The following UTRN variants were observed in gnomAD, a reference collection of about 807,000 sequenced individuals.
The protein encoded by UTRN is dystrophin-related protein 1.
UTRN carries 283 observed loss-of-function variants against 463.9 expected under a neutral mutation model. That is an observed-to-expected ratio of 0.61 (90% CI 0.55 to 0.67). The LOEUF (loss-of-function observed/expected upper bound fraction) is 0.67. Ranked by LOEUF, UTRN falls within the 30% of genes least tolerant of loss-of-function variation. The pLI is 0.00. For synonymous variants in UTRN, 1,442 were observed against 1,431.5 expected, an observed-to-expected ratio of 1.01 and a Z score of -0.17; for missense variants, 3,922 against 4,084.3, an observed-to-expected ratio of 0.96 and a Z score of 1.08.
intron 49 of UTRN, among the ~76,000 whole-genome samples, chr6:144,556,787 G>A (rs1157606840): frequency 6.6e-6 from 1 of 152,160 alleles, no homozygotes; most frequent in Non-Finnish European, 1.5e-5. Flanking sequence ...GTTTCTCCAG[G>A]CATGTATGCA....
Position 144,493,329 on chromosome 6 carries a change from A to G in UTRN, c.4466A>G (p.Lys1489Arg), listed in dbSNP as rs1793244038. 6.2e-7 allele frequency: 1 copy of G among 1,614,044 alleles called. No individual in the cohort carries two copies. Among genetic ancestry groups the G allele is most frequent in the Non-Finnish European group, 8.5e-7 (1 of 1,180,000 alleles). ...CTGTATAAAACTTTGAGTGAAGTCA[A>G]ACTTGAAGTGGAAACTGTGATTAAA... Reference protein sequence around the residue: ...MKLYKTLSEVKLEVETVIKTG... With the variant: ...MKLYKTLSEVRLEVETVIKTG... The change falls in exon 33 of 75, where the codon AAA becomes AGA. Residue 1489 changes from lysine to arginine, a missense_variant. By Grantham distance (26) the Lys-to-Arg change is conservative. Transcript: ENST00000367545.
At chr6:144,428,527 C>G (rs1164280757) in intron 7 of UTRN, among the ~76,000 whole-genome samples, 2 of 149,970 alleles carry the variant, frequency 1.3e-5, no homozygotes, top group Non-Finnish European at 3.0e-5. Context: ...TACTTCTAGT[C>G]TTAATGGTTA....
intron 51 of UTRN, among the ~76,000 whole-genome samples, chr6:144,599,224 A>G (rs892790434): frequency 2.0e-5 from 3 of 152,328 alleles, no homozygotes; most frequent in Non-Finnish European, 4.4e-5. Context: ...GATTTAGTAC[A>G]GGTGTATTTG....
intron 46 of UTRN, among the ~76,000 whole-genome samples, 173 bp from the exon 47 acceptor site, chr6:144,548,465 CAT>C (rs1401803228): frequency 6.6e-6 from 1 of 152,046 alleles, no homozygotes; most frequent in Admixed American, 6.6e-5. Context: ...CTACCAAAGA[CAT>C]ATGGATATTA....
chr6:144,333,955 A>C (rs1003572889), intron 2 of UTRN, among the ~76,000 whole-genome samples: 1 of 152,226 alleles, frequency 6.6e-6, no homozygotes, highest in Non-Finnish European at 1.5e-5. Flanking sequence ...GCACTGTGAT[A>C]GTCACTAGGT....
At chr6:144,686,504 G>C (rs1473091203) in intron 52 of UTRN, among the ~76,000 whole-genome samples, 1 of 152,068 alleles carries the variant, frequency 6.6e-6, no homozygotes, top group Admixed American at 6.6e-5. Context: ...GTCCCCTAAT[G>C]TTAATGTGCT....
intron 51 of UTRN, among the ~76,000 whole-genome samples, chr6:144,604,016 C>G (rs565236878): frequency 1.3e-5 from 2 of 152,262 alleles, no homozygotes; most frequent in South Asian, 4.1e-4. Flanking sequence ...TGCATCCTGT[C>G]TCCATTTTTC....
chr6:144,831,553 T>C (rs1289609307), intron 69 of UTRN, among the ~76,000 whole-genome samples: 1 of 152,204 alleles, frequency 6.6e-6, no homozygotes, highest in African/African-American at 2.4e-5. Context: ...GAAAGATAAA[T>C]GACATGTCCC....
At chr6:144,427,853 A>C (rs1785431921) in intron 7 of UTRN, among the ~76,000 whole-genome samples, 1 of 152,234 alleles carries the variant, frequency 6.6e-6, no homozygotes. Flanking sequence ...CAAAAATCTT[A>C]GTTCTCGTGG....
chr6:144,523,255 T>A (rs75222249), intron 41 of UTRN, 67 bp downstream of exon 41: 33 of 1,218,002 alleles, frequency 2.7e-5, no homozygotes, highest in Non-Finnish European at 3.5e-5. Context: ...GTGAAGAAGA[T>A]CATGTGGACA....
intron 49 of UTRN, among the ~76,000 whole-genome samples, chr6:144,556,232 A>G (rs1189914387): frequency 2.0e-5 from 3 of 152,194 alleles, no homozygotes; most frequent in Admixed American, 1.3e-4. Flanking sequence ...GAAAATGTGG[A>G]AGTATGTTTT....
rs113102982 is a variant in UTRN at position 144,291,780 on chromosome 6, A to G, written c.-49A>G. Reference sequence around the variant, plus strand: ...ACCATCGTAGGAAGTTGAAAGCCTTAGAAAGAGGACTTGGTAAAGTTTTTG... The same window carrying G: ...ACCATCGTAGGAAGTTGAAAGCCTTGGAAAGAGGACTTGGTAAAGTTTTTG... On this transcript the variant is annotated 5_prime_UTR_variant, in exon 2 of 75. Transcript: ENST00000367545. 4 of 1,581,796 alleles carry G rather than the reference A, an allele frequency of 2.5e-6. No homozygotes were observed. Among genetic ancestry groups the G allele is most frequent in the African/African-American group, 1.4e-5 (1 of 73,846 alleles).
At chr6:144,629,763 T>C (rs1328114160) in intron 51 of UTRN, among the ~76,000 whole-genome samples, 1 of 152,244 alleles carries the variant, frequency 6.6e-6, no homozygotes, top group African/African-American at 2.4e-5. Flanking sequence ...GATTTAGATA[T>C]GTGAAAGATA....
intron 54 of UTRN, among the ~76,000 whole-genome samples, chr6:144,747,216 A>G (rs750487093): frequency 6.6e-6 from 1 of 152,188 alleles, no homozygotes; most frequent in Non-Finnish European, 1.5e-5. Context: ...ACAAAGAAGA[A>G]TGTGTTTTCT....
intron 69 of UTRN, among the ~76,000 whole-genome samples, chr6:144,831,395 C>G (rs569151448): frequency 6.6e-6 from 1 of 152,226 alleles, no homozygotes; most frequent in East Asian, 1.9e-4. Context: ...AGAGAGAGAT[C>G]TGCAGATGCT....
chr6:144,451,303 C>G, intron 17 of UTRN, 67 bp from the exon 18 acceptor site: 1 of 1,545,420 alleles, frequency 6.5e-7, no homozygotes, highest in Non-Finnish European at 8.7e-7. Flanking sequence ...TTGAGTTGCT[C>G]TTTCTGGAGT....
At chr6:144,769,477 G>C (rs917507414) in intron 58 of UTRN, among the ~76,000 whole-genome samples, 1 of 152,134 alleles carries the variant, frequency 6.6e-6, no homozygotes, top group Non-Finnish European at 1.5e-5. Context: ...CCAAATGTGT[G>C]TGTTCCGTCA....
chr6:144,844,785 A>G (rs1586805390), intron 73 of UTRN, among the ~76,000 whole-genome samples: 2 of 152,172 alleles, frequency 1.3e-5, no homozygotes, highest in African/African-American at 4.8e-5. Context: ...TCGGATTGGC[A>G]CCCTCCCAAT....
intron 2 of UTRN, among the ~76,000 whole-genome samples, chr6:144,328,896 G>C (rs1321814048): frequency 1.3e-5 from 2 of 151,978 alleles, no homozygotes; most frequent in African/African-American, 4.8e-5. Context: ...CGATTTTCCT[G>C]CCTCAGTCTC....
Sources: allele counts gnomAD v4.1 joint callset (sites outside exome capture counted in the v4.1 genomes callset), GRCh38; gene constraint gnomAD v4.1.1; transcripts MANE v1.5; gene names NCBI Gene and HGNC (gene_info 2026-07-23, HGNC 2026-07-21).